Variants in BBS2 observed in about 807,000 individuals in gnomAD.
BBS2 encodes Bardet-Biedl syndrome 2.
A neutral mutation model predicts 83.0 loss-of-function variants in BBS2; 62 were observed. That is an observed-to-expected ratio of 0.75 (90% CI 0.61 to 0.92). BBS2 has a LOEUF of 0.92. Ranked by LOEUF, BBS2 falls within the 40% of genes least tolerant of loss-of-function variation. The probability of loss-of-function intolerance (pLI) is 0.00; values close to 1 mark genes in which losing one functional copy is unlikely to be tolerated. For missense variants in BBS2, 784 were observed against 901.0 expected, an observed-to-expected ratio of 0.87 and a Z score of 1.66; for synonymous variants, 303 against 326.1, an observed-to-expected ratio of 0.93 and a Z score of 0.76.
chr16:56,488,064 G>A (rs1248137162), intron 15 of BBS2, among the ~76,000 whole-genome samples: 1 of 152,164 alleles, frequency 6.6e-6, no homozygotes, highest in African/African-American at 2.4e-5. Context: ...GTAGTATACA[G>A]TAGTTAAGAT....
chr16:56,504,771 T>C (rs1964378383), intron 7 of BBS2, among the ~76,000 whole-genome samples: 1 of 152,216 alleles, frequency 6.6e-6, no homozygotes, highest in Non-Finnish European at 1.5e-5. Flanking sequence ...CATAATAATT[T>C]ATATTCCCTC....
intron 3 of BBS2, 75 bp downstream of exon 3, chr16:56,511,084 G>C (rs1297411260): frequency 4.4e-6 from 7 of 1,588,980 alleles, no homozygotes; most frequent in African/African-American, 4.0e-5. Flanking sequence ...TTACTCAGTA[G>C]AGTTGGTGGT....
At chr16:56,489,642 C>CA (rs1311003756) in intron 15 of BBS2, among the ~76,000 whole-genome samples, 3 of 148,986 alleles carry the variant, frequency 2.0e-5, no homozygotes, top group Admixed American at 6.7e-5. Flanking sequence ...ACTAAAAATA[C>CA]AAAAAAAATT....
Position 56,486,265 on chromosome 16 carries a change from C to T in BBS2, c.1911-527G>A, listed in dbSNP as rs532560952. 2.0e-4 allele frequency among the ~76,000 whole-genome samples: 31 copies of T among 152,154 alleles called. 1 individual carries two copies. The highest frequency in any genetic ancestry group is 1.8e-3 in the Admixed American group (28 of 15,278). ...CTTTCATGCATTGTGGACAGAAATA[C>T]AAAAAGCTGCAACTACTTTGACAGG... On this transcript the variant is annotated intron_variant, in intron 15 of 16. Coordinates refer to ENST00000245157, the MANE Select transcript of BBS2 (RefSeq NM_031885.5).
rs1555521379 is a variant in BBS2 at position 56,496,966 on chromosome 16, CAT to C, written c.1909_1910del (p.Met637GlufsTer12). The C allele has an allele frequency of 6.2e-7, 1 of 1,608,836 alleles. No homozygotes were observed. On this transcript the variant is annotated frameshift_variant and splice_region_variant, in exon 15 of 17. Transcript: ENST00000245157. LOFTEE classifies it high-confidence loss of function. ...CTGTACTAACCATGACAAATACTCA[CAT>C]GTCCCTCATCAGACGAGCATCCTCA... ...GAEDARLMRD[M>X]KTMKSRYMEL...
chr16:56,475,606 G>A (rs1179531813), intron 17 of BBS2: 1 of 1,575,852 alleles, frequency 6.3e-7, no homozygotes, highest in South Asian at 1.1e-5. Flanking sequence ...TTTAGTTATT[G>A]AGAATGCTTT....
exon 18 of BBS2, chr16:56,470,503 G>A: frequency 1.2e-6 from 2 of 1,610,272 alleles, no homozygotes; most frequent in Non-Finnish European, 1.7e-6. Flanking sequence ...TGAGAAAGCT[G>A]AGGAGAGTAA....
chr16:56,503,377 T>A (rs1964333039), intron 7 of BBS2, among the ~76,000 whole-genome samples: 5 of 152,216 alleles, frequency 3.3e-5, no homozygotes, highest in Admixed American at 3.3e-4. Context: ...GTATCTTTAT[T>A]ATATATAAAT....
downstream of BBS2, among the ~76,000 whole-genome samples, chr16:56,481,784 T>A (rs1310307104): frequency 6.6e-6 from 1 of 152,162 alleles, no homozygotes; most frequent in African/African-American, 2.4e-5. Context: ...GGAAAAAAGG[T>A]AGTTGCATGT....
In BBS2 at chr16:56,501,385, G is replaced by C. The variant is rs1964268173; in HGVS notation, c.1193C>G (p.Ala398Gly). Residue 398 changes from alanine (A) to glycine (G), a missense_variant, in exon 10 of 17, where the codon GCT becomes GGT. Transcript: ENST00000245157. ...SVSLGNETQTAHTELRISTSN... is the reference protein window; with the variant it reads ...SVSLGNETQTGHTELRISTSN... The stretch of plus-strand genomic sequence containing the variant: ...AGTGGAAATGCGTAATTCTGTATGA[G>C]CAGTTTGGGTCTCATTCCCCAGGCT... The C allele has an allele frequency of 6.2e-7, 1 of 1,613,976 alleles. No individual in the cohort carries two copies. Among genetic ancestry groups the C allele is most frequent in the Admixed American group, 1.7e-5 (1 of 59,980 alleles).
At chr16:56,511,373 G>T in intron 2 of BBS2, 89 bp from the exon 3 acceptor site, 1 of 1,554,116 alleles carries the variant, frequency 6.4e-7, no homozygotes, top group South Asian at 1.1e-5. Context: ...AAACTGAGCA[G>T]ATTTTGAGTA....
downstream of BBS2, among the ~76,000 whole-genome samples, chr16:56,479,508 A>G (rs1596998232): frequency 1.3e-5 from 2 of 152,340 alleles, no homozygotes; most frequent in African/African-American, 4.8e-5. Flanking sequence ...TTTTCAGACT[A>G]TATAAATAAC....
intron 5 of BBS2, chr16:56,509,320 G>C (rs1195208325): frequency 6.5e-6 from 1 of 153,678 alleles, no homozygotes; most frequent in African/African-American, 2.4e-5. Context: ...TGGCCAACAT[G>C]GTGAAACCCC....
chr16:56,480,245 ATC>A (rs1391402895), downstream of BBS2, among the ~76,000 whole-genome samples: 5 of 151,290 alleles, frequency 3.3e-5, no homozygotes, highest in African/African-American at 4.9e-5. Flanking sequence ...AAAAGAAAGA[ATC>A]TGTTAGTTTT....
rs544773389 is a variant in BBS2 at position 56,502,453 on chromosome 16, C to T, written c.944G>A (p.Arg315Gln). ...LICCSVDGEI[R>Q]GYLPGTAEMR... ...CTCAGCCGTGCCAGGCAGGTAGCCC[C>T]GGACTGAACAGAAGGAAAAAACCGC... Residue 315 changes from arginine (R) to glutamine (Q), a missense_variant, in exon 9 of 17, where the codon CGG (arginine) becomes CAG (glutamine). Coordinates refer to ENST00000245157, the MANE Select transcript of BBS2 (RefSeq NM_031885.5). 8 of 1,614,134 alleles carry T rather than the reference C, an allele frequency of 5.0e-6. No individual in the cohort carries two copies. Among genetic ancestry groups the T allele is most frequent in the South Asian group, 2.2e-5 (2 of 91,074 alleles).
intron 12 of BBS2, 137 bp from the exon 13 acceptor site, chr16:56,498,705 AG>A: frequency 6.5e-7 from 1 of 1,527,694 alleles, no homozygotes; most frequent in Non-Finnish European, 8.8e-7. Flanking sequence ...TGCTTTGTTG[AG>A]AAAAAAAAAA....
At chr16:56,494,667 A>G (rs762286696) in intron 15 of BBS2, among the ~76,000 whole-genome samples, 1 of 152,158 alleles carries the variant, frequency 6.6e-6, no homozygotes, top group South Asian at 2.1e-4. Context: ...AGACTGGAAA[A>G]TCTAGCCGTA....
intron 17 of BBS2, among the ~76,000 whole-genome samples, chr16:56,473,071 C>T (rs1963277030): frequency 6.6e-6 from 1 of 152,178 alleles, no homozygotes; most frequent in South Asian, 2.1e-4. Context: ...GCTGGGACTA[C>T]AGGCGCATGC....
At chr16:56,481,129 T>C (rs1963655353), downstream of BBS2, among the ~76,000 whole-genome samples, 1 of 152,130 alleles carries the variant, frequency 6.6e-6, no homozygotes, top group South Asian at 2.1e-4. Context: ...AATTATAAAA[T>C]TTGAAACATT....
Sources: gnomAD v4.1 joint callset for allele counts (sites outside exome capture counted in the v4.1 genomes callset) on GRCh38, gnomAD v4.1.1 for gene constraint, MANE v1.5 for transcripts, NCBI Gene and HGNC (gene_info 2026-07-23, HGNC 2026-07-21) for gene names.